The following JAZF1 variants were observed in gnomAD, a reference collection of about 807,000 sequenced individuals.
JAZF1 encodes the protein juxtaposed with another zinc finger protein 1.
A neutral mutation model predicts 26.4 loss-of-function variants in JAZF1; 8 were observed. That is an observed-to-expected ratio of 0.30 (90% CI 0.18 to 0.55). The LOEUF (loss-of-function observed/expected upper bound fraction) is 0.55. Ranked by LOEUF, JAZF1 falls within the 20% of genes least tolerant of loss-of-function variation. JAZF1 has a pLI of 0.94. For missense variants in JAZF1, 199 were observed against 322.0 expected (o/e 0.62, Z 2.92); for synonymous variants, 126 against 122.3 (o/e 1.03, Z -0.20).
intron 2 of JAZF1, among the ~76,000 whole-genome samples, chr7:27,987,824 T>G (rs1785763032): frequency 6.6e-6 from 1 of 152,242 alleles, no homozygotes; most frequent in African/African-American, 2.4e-5. Context: ...CATAGGAGAC[T>G]CCATTTTGTT....
intron 1 of JAZF1, among the ~76,000 whole-genome samples, chr7:28,008,200 T>C (rs113265123): frequency 1.2e-3 from 188 of 152,190 alleles, no homozygotes; most frequent in African/African-American, 4.3e-3. Context: ...TCATACATTT[T>C]AATTATTTAT....
At chr7:27,949,981 C>T (rs1296010967) in intron 2 of JAZF1, among the ~76,000 whole-genome samples, 1 of 152,162 alleles carries the variant, frequency 6.6e-6, no homozygotes, top group Non-Finnish European at 1.5e-5. Flanking sequence ...TTTTACTAGA[C>T]ACTCAGCTTC....
At chr7:27,841,447 A>T (rs183188735) in intron 3 of JAZF1, 1 of 152,414 alleles carries the variant, frequency 6.6e-6, no homozygotes, top group African/African-American at 2.4e-5. Flanking sequence ...CACGCTAGGG[A>T]GCAAGAGGCA....
In JAZF1 at chr7:28,142,666, A is replaced by G. The variant is rs527498863; in HGVS notation, c.115+37797T>C. On this transcript the variant is annotated intron_variant, in intron 1 of 4. Coordinates refer to ENST00000283928, the MANE Select transcript of JAZF1 (RefSeq NM_175061.4). ...CTGTTGAACTTATGTTGCTCACTGT[A>G]TCTGTCCCTTGGAGCCAGAGTATGT... Among the ~76,000 whole-genome samples, 12 of 152,306 alleles carry G rather than the reference A, an allele frequency of 7.9e-5. No individual in the cohort carries two copies. The South Asian group carries it at 2.5e-3, about 32-fold the overall frequency.
At chr7:27,869,483 A>G (rs369739784) in intron 3 of JAZF1, among the ~76,000 whole-genome samples, 2 of 152,162 alleles carry the variant, frequency 1.3e-5, no homozygotes, top group Non-Finnish European at 2.9e-5. Flanking sequence ...ATGGAGGTAC[A>G]AACATCTGCA....
Position 28,171,009 on chromosome 7 carries a change from C to CA in JAZF1, c.115+9453dup, listed in dbSNP as rs1162104202. Among the ~76,000 whole-genome samples the CA allele has an allele frequency of 4.6e-5, 7 of 152,294 alleles. No individual in the cohort carries two copies. In the East Asian group the frequency reaches 1.4e-3, roughly 29 times the overall value. On this transcript the variant is annotated intron_variant, in intron 1 of 4. Transcript: ENST00000283928. ...AGGAAAATCAATCTCGGGATCCCCC[C>CA]AAATAATAAATAATAGTATTACTAT... is the stretch of plus-strand genomic sequence containing the variant.
chr7:27,860,685 T>A (rs1783363102), intron 3 of JAZF1, among the ~76,000 whole-genome samples: 1 of 152,070 alleles, frequency 6.6e-6, no homozygotes, highest in Admixed American at 6.6e-5. Flanking sequence ...TTGTCAGAGG[T>A]CACAAAGCTC....
At position 27,936,542 on chromosome 7, in the gene JAZF1, C is replaced by T. The variant is rs1784765015; in HGVS notation, c.189-41126G>A. ...TTTATTTTTTATTTACACATCTATGCAGTCTCTCTAAGGTAAGCTCAGCAC... is the reference window on the plus strand; with the variant it reads ...TTTATTTTTTATTTACACATCTATGTAGTCTCTCTAAGGTAAGCTCAGCAC... On this transcript the variant is annotated intron_variant, in intron 2 of 4. Coordinates refer to ENST00000283928, the MANE Select transcript of JAZF1 (RefSeq NM_175061.4). Among the ~76,000 whole-genome samples, 3 of 152,322 alleles carry T rather than the reference C, an allele frequency of 2.0e-5. No individual in the cohort carries two copies. The South Asian group carries it at 6.2e-4, about 32-fold the overall frequency.
chr7:27,850,017 CAT>C (rs988228863), intron 3 of JAZF1, among the ~76,000 whole-genome samples: 4 of 152,164 alleles, frequency 2.6e-5, no homozygotes, highest in African/African-American at 9.7e-5. Context: ...AAAACACTGA[CAT>C]ACAGATAAAA....
intron 1 of JAZF1, among the ~76,000 whole-genome samples, chr7:27,997,822 C>T (rs550893613): frequency 1.6e-4 from 24 of 152,114 alleles, no homozygotes; most frequent in African/African-American, 5.3e-4. Flanking sequence ...AATCCTCTTG[C>T]CTCGGCCTCC....
intron 1 of JAZF1, among the ~76,000 whole-genome samples, chr7:28,086,512 C>T (rs1784214231): frequency 6.6e-6 from 1 of 152,320 alleles, no homozygotes; most frequent in Non-Finnish European, 1.5e-5. Flanking sequence ...ATTTCACTGC[C>T]TGTCACAGTG....
In JAZF1 at chr7:28,110,515, A is replaced by AAAGGAAAGGAAAGGAAAGGAAAAGG. The variant is rs1562590947; in HGVS notation, c.115+69947_115+69948insCCTTTTCCTTTCCTTTCCTTTCCTT. On this transcript the variant is annotated intron_variant, in intron 1 of 4. Coordinates refer to ENST00000283928, the MANE Select transcript of JAZF1 (RefSeq NM_175061.4). Reference sequence around the variant, plus strand: ...AAGGAAAGGAAAGGAAAAGGAAAGGAAAAGGAAAAGGAAAAGGAAAGGAAA... The same window carrying AAAGGAAAGGAAAGGAAAGGAAAAGG: ...AAGGAAAGGAAAGGAAAAGGAAAGGAAAGGAAAGGAAAGGAAAGGAAAAGGAAAGGAAAAGGAAAAGGAAAGGAAA... 2.5e-4 allele frequency among the ~76,000 whole-genome samples: 15 copies of AAAGGAAAGGAAAGGAAAGGAAAAGG among 58,928 alleles called. No individual in the cohort carries two copies. The East Asian group carries it at 3.3e-3, about 13-fold the overall frequency. The allele number at this position is 58,928 out of a possible 152,430, so 38.7% of individuals were successfully genotyped here. A position where few individuals can be genotyped will look rare whatever the true frequency, so the allele number is the denominator to read the frequency against.
At chr7:27,970,695 TA>T (rs1785359388) in intron 2 of JAZF1, among the ~76,000 whole-genome samples, 1 of 152,260 alleles carries the variant, frequency 6.6e-6, no homozygotes, top group Non-Finnish European at 1.5e-5. Context: ...ACCCAGTGCC[TA>T]AGCTTCCTTA....
chr7:27,978,174 A>T (rs1385271248), intron 2 of JAZF1, among the ~76,000 whole-genome samples: 1 of 152,174 alleles, frequency 6.6e-6, no homozygotes, highest in Admixed American at 6.5e-5. Context: ...ATTCTTTCAT[A>T]AACAAATTCA....
At chr7:27,837,066 C>T (rs1274823361) in intron 4 of JAZF1, among the ~76,000 whole-genome samples, 1 of 152,182 alleles carries the variant, frequency 6.6e-6, no homozygotes, top group Non-Finnish European at 1.5e-5. Flanking sequence ...GTATCTGGAT[C>T]TGTCTCTGTT....
intron 1 of JAZF1, among the ~76,000 whole-genome samples, chr7:28,154,926 A>G (rs577388036): frequency 4.6e-5 from 7 of 152,268 alleles, no homozygotes; most frequent in African/African-American, 1.7e-4. Flanking sequence ...AGGGAGAGAA[A>G]AAGGCAAAAC....
At chr7:27,907,940 T>C (rs1264545065) in intron 2 of JAZF1, among the ~76,000 whole-genome samples, 1 of 152,210 alleles carries the variant, frequency 6.6e-6, no homozygotes, top group Non-Finnish European at 1.5e-5. Context: ...AGGTGACATG[T>C]AAGCTGAAAG....
intron 1 of JAZF1, among the ~76,000 whole-genome samples, chr7:28,110,506 A>G (rs1784632903): frequency 3.9e-5 from 4 of 102,620 alleles, no homozygotes; most frequent in Non-Finnish European, 7.4e-5. Flanking sequence ...AGGAAAGGAA[A>G]AGGAAAGGAA....
At chr7:27,892,877 G>A (rs946659770) in intron 3 of JAZF1, among the ~76,000 whole-genome samples, 2 of 152,214 alleles carry the variant, frequency 1.3e-5, no homozygotes, top group African/African-American at 4.8e-5. Context: ...TGAGCACTGT[G>A]TTATACATGT....
Sources: allele counts gnomAD v4.1 joint callset (sites outside exome capture counted in the v4.1 genomes callset), GRCh38; gene constraint gnomAD v4.1.1; transcripts MANE v1.5; gene names NCBI Gene and HGNC (gene_info 2026-07-23, HGNC 2026-07-21).